Variants in SPEN observed in about 807,000 individuals in gnomAD.
SPEN encodes msx2-interacting protein.
A neutral mutation model predicts 269.9 loss-of-function variants in SPEN; 18 were observed. The ratio of observed to expected loss-of-function variants is 0.07; its 90% CI spans 0.05 to 0.10. The LOEUF is 0.10. Ranked by LOEUF, SPEN falls within the 10% of genes least tolerant of loss-of-function variation. The pLI is 1.00. For synonymous variants in SPEN, 1,726 were observed against 1,765.7 expected (o/e 0.98, Z 0.56); for missense variants, 3,822 against 4,631.2 (o/e 0.83, Z 5.07).
At chr1:15,883,509 C>T (rs1472280091) in intron 3 of SPEN, among the ~76,000 whole-genome samples, 1 of 151,628 alleles carries the variant, frequency 6.6e-6, no homozygotes, top group Admixed American at 6.6e-5. Flanking sequence ...GCAACCTCCA[C>T]CTCCCGGGTG....
rs745655301 is a variant in SPEN at position 15,931,449 on chromosome 1, A to C, written c.5209A>C (p.Thr1737Pro). ...QPPYLDAKPP[T>P]PGASFSQAES... ...GCCTTATCTGGATGCCAAGCCTCCA[A>C]CTCCCGGGGCCTCGTTTTCCCAGGC... The change falls in exon 11 of 15, where the codon ACT becomes CCT. Residue 1737 changes from threonine to proline, a missense_variant. By Grantham distance (38) the Thr-to-Pro change is conservative (BLOSUM62 -1). Transcript: ENST00000375759. The surrounding 1 kb of genome is among the most constrained non-coding windows in gnomAD (Gnocchi z 4.8). The C allele has an allele frequency of 7.3e-5, 118 of 1,613,756 alleles. No individual in the cohort carries two copies. The highest frequency in any genetic ancestry group is 9.4e-5 in the Non-Finnish European group (111 of 1,179,970).
In SPEN at chr1:15,848,099, G is replaced by T; in HGVS notation, c.32G>T (p.Gly11Val). 4.0e-6 allele frequency: 6 copies of T among 1,489,350 alleles called. No homozygotes were observed. The highest frequency in any genetic ancestry group is 5.4e-6 in the Non-Finnish European group (6 of 1,110,658). The allele number at this position is 1,489,350 out of a possible 1,614,324, so 92.3% of individuals were successfully genotyped here. A position where few individuals can be genotyped will look rare whatever the true frequency, so the allele number is the denominator to read the frequency against. Residue 11 changes from glycine to valine, a missense_variant, in exon 1 of 15, where the codon GGC (glycine) becomes GTC (valine). Gly to Val is a moderately radical substitution (Grantham distance 109). Transcript: ENST00000375759. The surrounding 1 kb of genome is among the most constrained non-coding windows in gnomAD (Gnocchi z 5.1). MVRETRHLWV[G>V]NLPENVREEK... ...CGGGAAACCAGGCATCTCTGGGTGGGCAACTTACCCGAGAACGTGCGGGAA... is the reference window on the plus strand; with the variant it reads ...CGGGAAACCAGGCATCTCTGGGTGGTCAACTTACCCGAGAACGTGCGGGAA...
Position 15,934,030 on chromosome 1 carries a change from A to C in SPEN, c.7790A>C (p.Gln2597Pro). 2.5e-6 allele frequency: 4 copies of C among 1,613,468 alleles called. No homozygotes were observed. Among genetic ancestry groups the C allele is most frequent in the Non-Finnish European group, 3.4e-6 (4 of 1,179,570 alleles). Residue 2597 changes from glutamine (Q) to proline (P), a missense_variant, in exon 11 of 15, where the codon CAA (glutamine) becomes CCA (proline). Transcript: ENST00000375759. This position sits in a 1 kb window ranked among gnomAD's most constrained non-coding sequence, Gnocchi z 9.2. ...APPVTNNSEI[Q>P]ASEVLVAADK... ...CCAGTGACAAACAACTCTGAGATACAAGCCTCGGAGGTGCTGGTAGCTGCT... is the reference window on the plus strand; with the variant it reads ...CCAGTGACAAACAACTCTGAGATACCAGCCTCGGAGGTGCTGGTAGCTGCT...
intron 8 of SPEN, among the ~76,000 whole-genome samples, chr1:15,919,921 T>A (rs2071101797): frequency 6.6e-6 from 1 of 152,184 alleles, no homozygotes. Flanking sequence ...TAACCAATGA[T>A]TTTTATGTAA....
At chr1:15,871,287 C>T (rs1404569256) in intron 1 of SPEN, among the ~76,000 whole-genome samples, 1 of 151,400 alleles carries the variant, frequency 6.6e-6, no homozygotes, top group Non-Finnish European at 1.5e-5. Flanking sequence ...CCTTTTAAAA[C>T]CATATAGTTA....
chr1:15,907,566 A>C (rs1398295041), intron 3 of SPEN, among the ~76,000 whole-genome samples: 1 of 152,146 alleles, frequency 6.6e-6, no homozygotes, highest in African/African-American at 2.4e-5. Context: ...TGAATATGAG[A>C]GCTGTAGTTC....
chr1:15,895,560 A>G (rs1294570658), intron 3 of SPEN, among the ~76,000 whole-genome samples: 2 of 152,236 alleles, frequency 1.3e-5, no homozygotes, highest in Non-Finnish European at 2.9e-5. Context: ...TTAATTATCT[A>G]CCAGATACCC....
chr1:15,923,243 G>A (rs1028054707), intron 10 of SPEN, among the ~76,000 whole-genome samples: 1 of 152,144 alleles, frequency 6.6e-6, no homozygotes, highest in African/African-American at 2.4e-5. Flanking sequence ...TTTCAGTCAT[G>A]GTTATGTAGT....
chr1:15,850,873 C>G (rs2070329126), intron 1 of SPEN, among the ~76,000 whole-genome samples: 2 of 152,146 alleles, frequency 1.3e-5, no homozygotes, highest in South Asian at 4.1e-4. Context: ...TAAAACTGAA[C>G]TTTAAGTGCC....
At position 15,931,887 on chromosome 1, in the gene SPEN, T is replaced by A. The variant is rs772123926; in HGVS notation, c.5647T>A (p.Ser1883Thr). 5 of 1,614,076 alleles carry A rather than the reference T, an allele frequency of 3.1e-6. No individual in the cohort carries two copies. The East Asian group carries it at 1.1e-4, about 36-fold the overall frequency. The stretch of plus-strand genomic sequence containing the variant: ...GATTACAAGGACTGCTTCTAAAAAC[T>A]CTGCTGCAGACCTTGAACATCCCGA... ...EKITRTASKN[S>T]AADLEHPEPS... The change falls in exon 11 of 15, where the codon TCT (serine) becomes ACT (threonine). Residue 1883 changes from serine (S) to threonine (T), a missense_variant. Coordinates refer to ENST00000375759, the MANE Select transcript of SPEN (RefSeq NM_015001.3). This position sits in a 1 kb window ranked among gnomAD's most constrained non-coding sequence, Gnocchi z 4.8.
chr1:15,927,089 G>A (rs1183496313), intron 10 of SPEN, among the ~76,000 whole-genome samples: 1 of 152,218 alleles, frequency 6.6e-6, no homozygotes, highest in Non-Finnish European at 1.5e-5. Context: ...GAGAATGAAT[G>A]AGTGAAGGAA....
rs1195346934 is a variant in SPEN, at chr1:15,880,495, G to T, written c.881+3817G>T. 4.2e-5 allele frequency among the ~76,000 whole-genome samples: 5 copies of T among 118,950 alleles called. No homozygotes were observed. The South Asian group carries it at 1.4e-3, about 32-fold the overall frequency. 78.0% of individuals were successfully genotyped at this position (118,950 alleles called of 152,430 possible). On this transcript the variant is annotated intron_variant, in intron 3 of 14. Transcript: ENST00000375759. ...TTTTTTGAGACAGGGTCTCACTCTC[G>T]CCCAGGCTGGAGTGCGGTGGCGCAA...
chr1:15,873,948 C>G (rs1049810150), intron 2 of SPEN: 4 of 1,176,428 alleles, frequency 3.4e-6, no homozygotes, highest in Non-Finnish European at 4.3e-6. Flanking sequence ...TAGCTTTGAA[C>G]ACATGGTGAT....
In SPEN at chr1:15,934,825, C is replaced by G. The variant is rs1276641696; in HGVS notation, c.8585C>G (p.Thr2862Arg). ...SKSQVKPDSV[T>R]ASQPPSKGPQ... is the part of the protein sequence containing the mutation. ...TCCCAGGTCAAACCTGATTCTGTCA[C>G]AGCATCGCAGCCTCCATCCAAAGGC... The change falls in exon 11 of 15, where the codon ACA (threonine) becomes AGA (arginine). Residue 2862 changes from threonine to arginine, a missense_variant. Physicochemically the swap from Thr to Arg is moderately conservative, Grantham distance 71 (BLOSUM62 -1). This residue lies in a region of SPEN where 329 missense variants were observed against 431.2 expected (regional missense o/e 0.76). Transcript: ENST00000375759. This position sits in a 1 kb window ranked among gnomAD's most constrained non-coding sequence, Gnocchi z 9.2. 1.2e-6 allele frequency: 2 copies of G among 1,614,222 alleles called. No individual in the cohort carries two copies. Among genetic ancestry groups the G allele is most frequent in the Non-Finnish European group, 1.7e-6 (2 of 1,180,030 alleles).
In SPEN at chr1:15,937,403, C is replaced by G; in HGVS notation, c.10267C>G (p.Gln3423Glu). 6.2e-7 allele frequency: 1 copy of G among 1,613,750 alleles called. No individual in the cohort carries two copies. Among genetic ancestry groups the G allele is most frequent in the Non-Finnish European group, 8.5e-7 (1 of 1,180,022 alleles). ...PEPHTQVQRA[Q>E]AETGPTSFPS... ...GCCTCACACCCAGGTTCAGAGGGCA[C>G]AAGCAGAAACAGGCCCGACTTCCTT... The change falls in exon 12 of 15, where the codon CAA becomes GAA. Residue 3423 changes from glutamine to glutamate, a missense_variant. Around this residue, in one of 16 missense-constraint regions of SPEN, gnomAD observed 359 missense variants for 377.3 expected, o/e 0.95. Coordinates refer to ENST00000375759, the MANE Select transcript of SPEN (RefSeq NM_015001.3). This position sits in a 1 kb window ranked among gnomAD's most constrained non-coding sequence, Gnocchi z 5.7.
intron 1 of SPEN, among the ~76,000 whole-genome samples, chr1:15,869,353 G>T (rs1021445278): frequency 6.6e-6 from 1 of 152,034 alleles, no homozygotes; most frequent in African/African-American, 2.4e-5. Flanking sequence ...ACCGTGCCCG[G>T]CCCTTTTGGT....
chr1:15,899,394 G>C lies in SPEN; in HGVS notation c.882-9927G>C, dbSNP rs570212806. Among the ~76,000 whole-genome samples the C allele has an allele frequency of 2.2e-4, 33 of 152,152 alleles. 1 individual carries two copies. The South Asian group carries it at 6.9e-3, about 32-fold the overall frequency. ...GGGGTTTCGCCATGTTGGCCAGGCT[G>C]GTCTTGAACTCCTGAGCTCAAGTGA... On this transcript the variant is annotated intron_variant, in intron 3 of 14. Coordinates refer to ENST00000375759, the MANE Select transcript of SPEN (RefSeq NM_015001.3).
chr1:15,935,250 G>A lies in SPEN; in HGVS notation c.9010G>A (p.Gly3004Arg). 6.2e-7 allele frequency: 1 copy of A among 1,614,032 alleles called. No homozygotes were observed. ...TACAGAAGTCAACCATGTCCCCTCGGGGCCCAGCATCCCAGCAGATCGAAC... is the reference window on the plus strand; with the variant it reads ...TACAGAAGTCAACCATGTCCCCTCGAGGCCCAGCATCCCAGCAGATCGAAC... ...LPTEVNHVPS[G>R]PSIPADRTVS... The change falls in exon 11 of 15, where the codon GGG (glycine) becomes AGG (arginine). Residue 3004 changes from glycine (G) to arginine (R), a missense_variant. Physicochemically the swap from Gly to Arg is moderately radical, Grantham distance 125. Around this residue, in one of 16 missense-constraint regions of SPEN, gnomAD observed 94 missense variants for 90.4 expected, o/e 1.04. Transcript: ENST00000375759. The surrounding 1 kb of genome is among the most constrained non-coding windows in gnomAD (Gnocchi z 7.7).
At chr1:15,873,702 G>A (rs990490123) in intron 2 of SPEN, 5 of 952,460 alleles carry the variant, frequency 5.2e-6, no homozygotes, top group Non-Finnish European at 6.1e-6. Context: ...AAGAGAGAAG[G>A]CAATGCCTGA....
Sources: gnomAD v4.1 joint callset for allele counts (sites outside exome capture counted in the v4.1 genomes callset) on GRCh38, gnomAD v4.1.1 for gene constraint, gnomAD v4.1.1 regional missense constraint, Gnocchi (gnomAD v3.1) non-coding constraint, MANE v1.5 for transcripts, NCBI Gene and HGNC (gene_info 2026-07-23, HGNC 2026-07-21) for gene names.